Variants in KIF6 observed in about 807,000 individuals in gnomAD.
KIF6 encodes kinesin-like protein KIF6.
A neutral mutation model predicts 112.7 loss-of-function variants in KIF6; 106 were observed. That is an observed-to-expected ratio of 0.94 (90% CI 0.80 to 1.11). The LOEUF (loss-of-function observed/expected upper bound fraction) is 1.11, where lower values mean the gene tolerates loss of function less well. Ranked by LOEUF, KIF6 falls within the 50% of genes least tolerant of loss-of-function variation. The pLI is 0.00. For synonymous variants in KIF6, 339 were observed against 339.9 expected (o/e 1.00, Z 0.03); for missense variants, 929 against 964.0 (o/e 0.96, Z 0.48).
At chr6:39,491,242 T>A (rs1481987888) in intron 13 of KIF6, among the ~76,000 whole-genome samples, 1 of 152,086 alleles carries the variant, frequency 6.6e-6, no homozygotes, top group Non-Finnish European at 1.5e-5. Context: ...GCAATCTGGC[T>A]GCTTTGATGT....
At chr6:39,478,545 T>G (rs1774587793) in intron 13 of KIF6, among the ~76,000 whole-genome samples, 1 of 152,304 alleles carries the variant, frequency 6.6e-6, no homozygotes, top group South Asian at 2.1e-4. Flanking sequence ...TTCCTCTGGG[T>G]AGATACCTAG....
chr6:39,723,123 T>A lies in KIF6; in HGVS notation c.66+2122A>T, dbSNP rs114866025. The stretch of plus-strand genomic sequence containing the variant: ...TTACATACAATACACTTTTTACATA[T>A]GATGCACTCTAAAAAGAAATGCATG... On this transcript the variant is annotated intron_variant, in intron 1 of 22. Coordinates refer to ENST00000287152, the MANE Select transcript of KIF6 (RefSeq NM_145027.6). Among the ~76,000 whole-genome samples the A allele has an allele frequency of 4.1e-3, 622 of 152,330 alleles. 3 individuals are homozygous for A. The highest frequency in any genetic ancestry group is 0.014 in the Middle Eastern group (4 of 294).
intron 3 of KIF6, among the ~76,000 whole-genome samples, chr6:39,681,475 T>TA (rs898341008): frequency 5.3e-5 from 8 of 151,584 alleles, no homozygotes; most frequent in Admixed American, 6.6e-5. Context: ...CTTAATGTTT[T>TA]AAAAAAAAAC....
chr6:39,422,071 T>C (rs1770414494), intron 14 of KIF6, among the ~76,000 whole-genome samples: 1 of 152,182 alleles, frequency 6.6e-6, no homozygotes, highest in South Asian at 2.1e-4. Context: ...TCCTGTTCCA[T>C]AGGCTTCTGG....
intron 13 of KIF6, among the ~76,000 whole-genome samples, chr6:39,506,379 G>A (rs1046537283): frequency 1.3e-5 from 2 of 152,100 alleles, no homozygotes; most frequent in African/African-American, 4.8e-5. Flanking sequence ...CGAGGGGAGG[G>A]AGAGCATCAT....
intron 13 of KIF6, among the ~76,000 whole-genome samples, chr6:39,530,731 C>T (rs1417855173): frequency 6.6e-6 from 1 of 152,180 alleles, no homozygotes; most frequent in Non-Finnish European, 1.5e-5. Flanking sequence ...AGTTTCACAG[C>T]AGTTTCAGAG....
chr6:39,359,321 A>G (rs981314685), intron 18 of KIF6, among the ~76,000 whole-genome samples: 2 of 152,236 alleles, frequency 1.3e-5, no homozygotes, highest in Non-Finnish European at 2.9e-5. Flanking sequence ...CACTTATGGA[A>G]AGGTCATTTT....
At chr6:39,456,702 A>G (rs1773136191) in intron 13 of KIF6, among the ~76,000 whole-genome samples, 1 of 87,560 alleles carries the variant, frequency 1.1e-5, no homozygotes, top group Non-Finnish European at 2.0e-5. Flanking sequence ...GAAAACAAAA[A>G]AAGGCAGGGG....
At chr6:39,362,646 C>T in intron 16 of KIF6, 128 bp from the exon 17 acceptor site, 3 of 724,442 alleles carry the variant, frequency 4.1e-6, no homozygotes, top group East Asian at 5.0e-5. Flanking sequence ...CCTTCTGGGG[C>T]CTCTTGGTGG....
At chr6:39,549,336 G>A (rs1266789209) in intron 10 of KIF6, among the ~76,000 whole-genome samples, 2 of 152,068 alleles carry the variant, frequency 1.3e-5, no homozygotes, top group African/African-American at 4.8e-5. Flanking sequence ...CCAACATTGA[G>A]CATGCACTAA....
intron 13 of KIF6, among the ~76,000 whole-genome samples, chr6:39,520,407 T>G (rs944588488): frequency 6.6e-6 from 1 of 152,224 alleles, no homozygotes; most frequent in Non-Finnish European, 1.5e-5. Context: ...TGTCTATCAG[T>G]GTCAGAACAG....
At chr6:39,666,761 G>T (rs1046041546) in intron 3 of KIF6, among the ~76,000 whole-genome samples, 1 of 152,126 alleles carries the variant, frequency 6.6e-6, no homozygotes, top group African/African-American at 2.4e-5. Context: ...ATTTGGCAGG[G>T]GAGATTTCTT....
At chr6:39,492,185 TCA>T (rs888790043) in intron 13 of KIF6, among the ~76,000 whole-genome samples, 6 of 152,144 alleles carry the variant, frequency 3.9e-5, no homozygotes, top group African/African-American at 1.4e-4. Flanking sequence ...TCACAGATAC[TCA>T]CAGTTAAACA....
chr6:39,414,272 C>T (rs1769735313), intron 15 of KIF6, among the ~76,000 whole-genome samples: 1 of 152,174 alleles, frequency 6.6e-6, no homozygotes. Flanking sequence ...TACACCTATT[C>T]CTACTAAACC....
chr6:39,489,922 C>G (rs1288398354), intron 13 of KIF6, among the ~76,000 whole-genome samples: 1 of 152,142 alleles, frequency 6.6e-6, no homozygotes, highest in South Asian at 2.1e-4. Flanking sequence ...CATATTTGAC[C>G]TGTGACATTT....
chr6:39,585,213 G>A (rs1781557045), intron 8 of KIF6, among the ~76,000 whole-genome samples: 1 of 152,192 alleles, frequency 6.6e-6, no homozygotes, highest in Non-Finnish European at 1.5e-5. Context: ...TTTTTCCATG[G>A]ACAGAGGGTG....
chr6:39,370,234 T>C (rs1258421505), intron 16 of KIF6, among the ~76,000 whole-genome samples: 1 of 152,216 alleles, frequency 6.6e-6, no homozygotes, highest in Non-Finnish European at 1.5e-5. Context: ...TTTATTGCAC[T>C]GGACCAGCCA....
intron 13 of KIF6, among the ~76,000 whole-genome samples, chr6:39,490,169 G>C (rs1259254685): frequency 1.3e-5 from 2 of 152,264 alleles, no homozygotes; most frequent in South Asian, 2.1e-4. Context: ...CTTTGGAGAG[G>C]CTCCATGTCT....
chr6:39,704,746 A>G (rs1275936532), intron 3 of KIF6, among the ~76,000 whole-genome samples: 1 of 152,214 alleles, frequency 6.6e-6, no homozygotes, highest in Non-Finnish European at 1.5e-5. Context: ...CTCTTAGTCA[A>G]TGTGTTATAT....
Sources: allele counts gnomAD v4.1 joint callset (sites outside exome capture counted in the v4.1 genomes callset), GRCh38; gene constraint gnomAD v4.1.1; transcripts MANE v1.5; gene names NCBI Gene and HGNC (gene_info 2026-07-23, HGNC 2026-07-21).